Variants in NEMF observed in about 807,000 individuals in gnomAD.
The protein encoded by NEMF is ribosome quality control complex subunit NEMF.
A neutral mutation model predicts 162.2 loss-of-function variants in NEMF; 89 were observed. The ratio of observed to expected loss-of-function variants is 0.55; its 90% CI spans 0.46 to 0.65. The LOEUF (loss-of-function observed/expected upper bound fraction) is 0.65, where lower values mean the gene tolerates loss of function less well. NEMF is among the 30% of genes least tolerant of loss of function. The pLI is 0.00. For missense variants in NEMF, 1,133 were observed against 1,261.9 expected, an observed-to-expected ratio of 0.90 and a Z score of 1.55; for synonymous variants, 421 against 404.5, an observed-to-expected ratio of 1.04 and a Z score of -0.49.
At chr14:49,842,804 C>T (rs1348838970) in intron 4 of NEMF, among the ~76,000 whole-genome samples, 1 of 151,940 alleles carries the variant, frequency 6.6e-6, no homozygotes, top group East Asian at 1.9e-4. Context: ...GTCAGGAGTT[C>T]AAGACCAGAC....
chr14:49,826,080 A>G (rs1892326865), intron 15 of NEMF, 125 bp from the exon 16 acceptor site: 3 of 586,242 alleles, frequency 5.1e-6, no homozygotes, highest in African/African-American at 3.8e-5. Context: ...ACACACACAC[A>G]AACACACACA....
chr14:49,787,200 A>C (rs1263430291), intron 28 of NEMF: 1 of 163,908 alleles, frequency 6.1e-6, no homozygotes, highest in Non-Finnish European at 1.3e-5. Context: ...AAATATGCTT[A>C]ATTTTGTTTG....
intron 25 of NEMF, among the ~76,000 whole-genome samples, chr14:49,799,264 A>G (rs2139852628): frequency 6.8e-6 from 1 of 147,844 alleles, no homozygotes; most frequent in Admixed American, 6.9e-5. Context: ...TTACTCTACT[A>G]GGTCTATTTC....
chr14:49,823,251 A>T (rs1892174089), intron 16 of NEMF, among the ~76,000 whole-genome samples: 1 of 151,928 alleles, frequency 6.6e-6, no homozygotes, highest in African/African-American at 2.4e-5. Flanking sequence ...CTAAATATAT[A>T]TAATTTAAAA....
At chr14:49,810,738 C>T (rs1891436835) in intron 18 of NEMF, among the ~76,000 whole-genome samples, 1 of 152,120 alleles carries the variant, frequency 6.6e-6, no homozygotes, top group Non-Finnish European at 1.5e-5. Flanking sequence ...TGCCTGTAAT[C>T]CCAGTACTTT....
At chr14:49,832,717 A>G (rs1006733006) in intron 8 of NEMF, among the ~76,000 whole-genome samples, 1 of 152,214 alleles carries the variant, frequency 6.6e-6, no homozygotes, top group Non-Finnish European at 1.5e-5. Context: ...TTTTCTATAA[A>G]TAGTTATGCT....
intron 25 of NEMF, among the ~76,000 whole-genome samples, chr14:49,798,779 C>T (rs986924249): frequency 4.6e-5 from 7 of 152,146 alleles, no homozygotes; most frequent in African/African-American, 4.8e-5. Flanking sequence ...TGGTGGTGGG[C>T]GCCTCTAGTC....
chr14:49,793,902 AT>A (rs1890567246), intron 26 of NEMF, among the ~76,000 whole-genome samples: 4 of 22,346 alleles, frequency 1.8e-4, no homozygotes, highest in Admixed American at 8.0e-4. Flanking sequence ...CATTTCTGTC[AT>A]CACTTTTTTT....
chr14:49,822,003 A>T (rs1165089148), intron 16 of NEMF, among the ~76,000 whole-genome samples: 1 of 152,008 alleles, frequency 6.6e-6, no homozygotes, highest in Non-Finnish European at 1.5e-5. Context: ...TTGATCTATG[A>T]CCTTACCCCC....
At chr14:49,790,143 G>A (rs7155865) in intron 26 of NEMF, among the ~76,000 whole-genome samples, 147,419 of 152,286 alleles carry the variant, frequency 0.97, 71,551 homozygotes, top group East Asian at 1. Flanking sequence ...TTTGAAAATT[G>A]TAAATTTGTG....
chr14:49,812,383 C>T (rs1278207586), intron 18 of NEMF, among the ~76,000 whole-genome samples: 2 of 152,072 alleles, frequency 1.3e-5, no homozygotes, highest in Non-Finnish European at 2.9e-5. Flanking sequence ...TTCATTTTCT[C>T]TATTTTTTTC....
intron 4 of NEMF, among the ~76,000 whole-genome samples, chr14:49,843,740 G>A (rs913004178): frequency 2.0e-5 from 3 of 152,130 alleles, no homozygotes; most frequent in Admixed American, 6.6e-5. Flanking sequence ...TAATACAATA[G>A]CAAGTATTTG....
In NEMF at chr14:49,782,918, C is replaced by G. The variant is rs2139807167; in HGVS notation, c.*1718G>C. 1 of 1,613,684 alleles carries G rather than the reference C, an allele frequency of 6.2e-7. No individual in the cohort carries two copies. Among genetic ancestry groups the G allele is most frequent in the South Asian group, 1.1e-5 (1 of 91,050 alleles). ...AAAACACTTACTTCACAGTGTTAATCAGAGGTTTGGTAGTAACAACACTTC... is the reference window on the plus strand; with the variant it reads ...AAAACACTTACTTCACAGTGTTAATGAGAGGTTTGGTAGTAACAACACTTC... On this transcript the variant is annotated 3_prime_UTR_variant, in exon 33 of 33. Coordinates refer to ENST00000298310, the MANE Select transcript of NEMF (RefSeq NM_004713.6).
rs1397600185 is a variant in NEMF at position 49,838,178 on chromosome 14, T to G, written c.535A>C (p.Lys179Gln). The change falls in exon 6 of 33, where the codon AAG becomes CAG. Residue 179 changes from lysine (K) to glutamine (Q), a missense_variant. Transcript: ENST00000298310. ...AGCACCCTCTTCAGTAGTTCACCCT[T>G]AGGTGCGCTGGCTACTATTTCAGTC... ...RLTEIVASAP[K>Q]GELLKRVLNP... 3.7e-6 allele frequency: 6 copies of G among 1,613,992 alleles called. No individual in the cohort carries two copies. The highest frequency in any genetic ancestry group is 5.1e-6 in the Non-Finnish European group (6 of 1,179,896).
rs1891104097 is a variant in NEMF at position 49,804,623 on chromosome 14, G to A, written c.1858-1329C>T. Among the ~76,000 whole-genome samples the A allele has an allele frequency of 4.0e-5, 6 of 150,314 alleles. No individual in the cohort carries two copies. The South Asian group carries it at 6.3e-4, about 16-fold the overall frequency. The stretch of plus-strand genomic sequence containing the variant: ...AGAGGTTGCAGTGAGCCGAGATCAC[G>A]CCATTGCATTCTAGCCTGGGTGACA... On this transcript the variant is annotated intron_variant, in intron 19 of 32. Transcript: ENST00000298310.
At chr14:49,852,224 C>A (rs950827776) in intron 1 of NEMF, among the ~76,000 whole-genome samples, 1 of 152,078 alleles carries the variant, frequency 6.6e-6, no homozygotes, top group Non-Finnish European at 1.5e-5. Context: ...GCTCACAGGG[C>A]TGAATAATAG....
rs774280041 is a variant in NEMF at position 49,785,133 on chromosome 14, T to C, written c.3032A>G (p.Tyr1011Cys). The change falls in exon 31 of 33, where the codon TAT becomes TGT. Residue 1011 changes from tyrosine (Y) to cysteine (C), a missense_variant and splice_region_variant. By Grantham distance (194) the Tyr-to-Cys change is radical. Coordinates refer to ENST00000298310, the MANE Select transcript of NEMF (RefSeq NM_004713.6). ...CACTCCAGGAGTAAGTTTCACTTTATATCTTTAAAAAGGAATTACATGTGT... is the reference window on the plus strand; with the variant it reads ...CACTCCAGGAGTAAGTTTCACTTTACATCTTTAAAAAGGAATTACATGTGT... ...APYTTMTNYK[Y>C]KVKLTPGVQK... 6.2e-7 allele frequency: 1 copy of C among 1,606,102 alleles called. No homozygotes were observed. Among genetic ancestry groups the C allele is most frequent in the South Asian group, 1.1e-5 (1 of 90,914 alleles).
chr14:49,798,128 G>A (rs893951648), intron 25 of NEMF, among the ~76,000 whole-genome samples: 7 of 152,156 alleles, frequency 4.6e-5, no homozygotes, highest in East Asian at 1.9e-4. Context: ...TGGAATAAGC[G>A]GTTGAAAAAC....
intron 26 of NEMF, among the ~76,000 whole-genome samples, chr14:49,793,410 G>A (rs924482626): frequency 1.5e-4 from 23 of 152,170 alleles, no homozygotes; most frequent in African/African-American, 5.1e-4. Context: ...AGGGCGCAGT[G>A]GCTCAAGTCT....
Sources: allele counts gnomAD v4.1 joint callset (sites outside exome capture counted in the v4.1 genomes callset), GRCh38; gene constraint gnomAD v4.1.1; transcripts MANE v1.5; gene names NCBI Gene and HGNC (gene_info 2026-07-23, HGNC 2026-07-21).